GYS2: variants seen among roughly 807,000 people sequenced by gnomAD.
GYS2 encodes the protein glycogen [starch] synthase, liver.
GYS2 carries 80 observed loss-of-function variants against 85.6 expected under a neutral mutation model. That is an observed-to-expected ratio of 0.93 (90% CI 0.78 to 1.13). The LOEUF (loss-of-function observed/expected upper bound fraction) is 1.13. GYS2 is among the 50% of genes most tolerant of loss of function. The pLI is 0.00. For synonymous variants in GYS2, 328 were observed against 300.7 expected (o/e 1.09, Z -0.94); for missense variants, 881 against 854.9 (o/e 1.03, Z -0.38).
chr12:21,550,018 ATTTAT>A (rs1272952422), intron 11 of GYS2, among the ~76,000 whole-genome samples: 3 of 151,960 alleles, frequency 2.0e-5, no homozygotes, highest in African/African-American at 7.3e-5. Flanking sequence ...TACTATCTTT[ATTTAT>A]TTTGACACTC....
intron 11 of GYS2, among the ~76,000 whole-genome samples, chr12:21,548,634 A>C (rs1443439115): frequency 6.6e-6 from 1 of 152,162 alleles, no homozygotes; most frequent in Non-Finnish European, 1.5e-5. Context: ...TGTATGAGCC[A>C]GTTCTGGGCC....
intron 13 of GYS2, among the ~76,000 whole-genome samples, chr12:21,541,101 CA>C (rs1943967818): frequency 6.6e-6 from 1 of 151,572 alleles, no homozygotes; most frequent in Non-Finnish European, 1.5e-5. Context: ...GGGGAAATCC[CA>C]TCTCTACATA....
chr12:21,574,149 C>T lies in GYS2; in HGVS notation c.673G>A (p.Asp225Asn), dbSNP rs1470172143. ...AGGGAGGAAGGAATATTTACCTTAT[C>T]AAGATGGTTGTAGAAATCAATATTT... ...AANIDFYNHL[D>N]KFNIDKEAGE... The change falls in exon 4 of 16, where the codon GAT (aspartate) becomes AAT (asparagine). Residue 225 changes from aspartate (D) to asparagine (N), a missense_variant. Physicochemically the swap from Asp to Asn is conservative, Grantham distance 23. Transcript: ENST00000261195. 2 of 1,608,862 alleles carry T rather than the reference C, an allele frequency of 1.2e-6. No individual in the cohort carries two copies. Among genetic ancestry groups the T allele is most frequent in the Non-Finnish European group, 1.7e-6 (2 of 1,175,214 alleles).
chr12:21,536,896 A>T lies in GYS2; in HGVS notation c.*58T>A. 1.7e-6 allele frequency: 2 copies of T among 1,181,954 alleles called. No homozygotes were observed. The highest frequency in any genetic ancestry group is 2.5e-6 in the Non-Finnish European group (2 of 790,576). The allele number at this position is 1,181,954 out of a possible 1,614,324, so 73.2% of individuals were successfully genotyped here. ...ATGAAATTTGTGGCATTTTTATTTT[A>T]AATAATTAGTCTTACTTTGCTTTTT... On this transcript the variant is annotated 3_prime_UTR_variant, in exon 16 of 16. Coordinates refer to ENST00000261195, the MANE Select transcript of GYS2 (RefSeq NM_021957.4).
intron 1 of GYS2, among the ~76,000 whole-genome samples, chr12:21,593,086 A>G (rs1944657216): frequency 6.6e-6 from 1 of 152,054 alleles, no homozygotes; most frequent in African/African-American, 2.4e-5. Flanking sequence ...GAAACAAATG[A>G]AAATTGAAAT....
chr12:21,588,132 G>T (rs1410187047), intron 1 of GYS2, among the ~76,000 whole-genome samples: 1 of 152,222 alleles, frequency 6.6e-6, no homozygotes, highest in Admixed American at 6.5e-5. Flanking sequence ...GAGGTAATAA[G>T]ATCCTGGCAT....
intron 1 of GYS2, among the ~76,000 whole-genome samples, chr12:21,600,970 T>C (rs901860013): frequency 1.1e-4 from 16 of 152,144 alleles, no homozygotes; most frequent in African/African-American, 3.9e-4. Flanking sequence ...AAATTGTTTC[T>C]AGTCCATTTT....
At chr12:21,560,349 T>G in intron 8 of GYS2, 37 bp downstream of exon 8, 5 of 1,099,378 alleles carry the variant, frequency 4.5e-6, no homozygotes, top group African/African-American at 3.1e-5. Flanking sequence ...TCTTTTCACA[T>G]TTATTGCTAG....
At chr12:21,553,895 C>T (rs1472177032) in intron 11 of GYS2, among the ~76,000 whole-genome samples, 2 of 151,990 alleles carry the variant, frequency 1.3e-5, no homozygotes, top group African/African-American at 2.4e-5. Context: ...ATTACACTAT[C>T]GAAAACTATT....
At chr12:21,581,559 C>G (rs990568377) in intron 1 of GYS2, among the ~76,000 whole-genome samples, 3 of 152,206 alleles carry the variant, frequency 2.0e-5, no homozygotes, top group Non-Finnish European at 2.9e-5. Flanking sequence ...CCTTCTTTAA[C>G]TCGGTGTCTG....
intron 5 of GYS2, among the ~76,000 whole-genome samples, chr12:21,564,371 C>T (rs150534069): frequency 0.021 from 3,161 of 151,908 alleles, 66 homozygotes; most frequent in Non-Finnish European, 0.029. Context: ...GTGGAGGTTG[C>T]AGTGAGCTGA....
chr12:21,582,562 CATATAGATATAG>C (rs1028844356), intron 1 of GYS2, among the ~76,000 whole-genome samples: 1 of 149,588 alleles, frequency 6.7e-6, no homozygotes. Flanking sequence ...AATAAACTCT[CATATAGATATAG>C]ATATAGAGAT....
At chr12:21,580,246 T>C in intron 2 of GYS2, 96 bp downstream of exon 2, 1 of 1,113,222 alleles carries the variant, frequency 9.0e-7, no homozygotes, top group Non-Finnish European at 1.4e-6. Context: ...TTTCCTTAAG[T>C]AAGTGAATGG....
At chr12:21,585,680 A>T (rs1235079037) in intron 1 of GYS2, among the ~76,000 whole-genome samples, 3 of 152,184 alleles carry the variant, frequency 2.0e-5, no homozygotes, top group Non-Finnish European at 4.4e-5. Context: ...GACCAATTGC[A>T]GATACAAGGA....
intron 1 of GYS2, among the ~76,000 whole-genome samples, chr12:21,596,139 G>C (rs1944693957): frequency 2.0e-5 from 3 of 151,958 alleles, no homozygotes; most frequent in Admixed American, 2.0e-4. Flanking sequence ...AAAAAGTTCA[G>C]GACCAGATGG....
At chr12:21,590,444 A>G (rs907559170) in intron 1 of GYS2, among the ~76,000 whole-genome samples, 1 of 152,122 alleles carries the variant, frequency 6.6e-6, no homozygotes, top group Non-Finnish European at 1.5e-5. Flanking sequence ...CACTGCCATC[A>G]CAACTGGCAC....
chr12:21,563,632 T>C (rs916689695), intron 5 of GYS2, among the ~76,000 whole-genome samples: 11 of 152,174 alleles, frequency 7.2e-5, no homozygotes, highest in African/African-American at 2.7e-4. Flanking sequence ...TAATGGTTAT[T>C]ATAGTACTCA....
Position 21,575,960 on chromosome 12 carries a change from A to G in GYS2, c.401T>C (p.Leu134Pro). Residue 134 changes from leucine to proline, a missense_variant, in exon 3 of 16, where the codon CTC becomes CCC. By Grantham distance (98) the Leu-to-Pro change is moderately conservative. Transcript: ENST00000261195. ...AATGCCGACACTGCATGCTTCCCAGAGGTCACCCTTCCACCTGTCCAGATT... is the reference window on the plus strand; with the variant it reads ...AATGCCGACACTGCATGCTTCCCAGGGGTCACCCTTCCACCTGTCCAGATT... Reference protein sequence around the residue: ...AWNLDRWKGDLWEACSVGIPY... With the variant: ...AWNLDRWKGDPWEACSVGIPY... 6.2e-7 allele frequency: 1 copy of G among 1,613,816 alleles called. No homozygotes were observed.
intron 2 of GYS2, among the ~76,000 whole-genome samples, chr12:21,579,970 T>A (rs1420520659): frequency 6.6e-6 from 1 of 152,252 alleles, no homozygotes; most frequent in Non-Finnish European, 1.5e-5. Context: ...ATCTCTAGCT[T>A]CTTTTAATGT....
Sources: gnomAD v4.1 joint callset for allele counts (sites outside exome capture counted in the v4.1 genomes callset) on GRCh38, gnomAD v4.1.1 for gene constraint, MANE v1.5 for transcripts, NCBI Gene and HGNC (gene_info 2026-07-23, HGNC 2026-07-21) for gene names.